PRKD1: variants seen among roughly 807,000 people sequenced by gnomAD.
The protein encoded by PRKD1 is protein kinase D1.
PRKD1 carries 63 observed loss-of-function variants against 95.9 expected under a neutral mutation model. The ratio of observed to expected loss-of-function variants is 0.66; its 90% CI spans 0.54 to 0.81. The LOEUF is 0.81. Ranked by LOEUF, PRKD1 falls within the 30% of genes least tolerant of loss-of-function variation. PRKD1 has a pLI of 0.00. For missense variants in PRKD1, 1,048 were observed against 1,165.3 expected (o/e 0.90, Z 1.47); for synonymous variants, 425 against 423.1 (o/e 1.00, Z -0.05).
At chr14:29,585,682 T>C (rs1459050105) in intron 16 of PRKD1, among the ~76,000 whole-genome samples, 1 of 152,154 alleles carries the variant, frequency 6.6e-6, no homozygotes, top group Admixed American at 6.5e-5. Flanking sequence ...CATCACAACC[T>C]TACAAAATAT....
intron 16 of PRKD1, among the ~76,000 whole-genome samples, chr14:29,586,073 A>T (rs931619506): frequency 2.6e-5 from 4 of 152,216 alleles, no homozygotes; most frequent in African/African-American, 9.7e-5. Flanking sequence ...AGGCAATCCA[A>T]TATTGCTGGA....
chr14:29,913,263 T>C, intron 1 of PRKD1, among the ~76,000 whole-genome samples: 1 of 152,238 alleles, frequency 6.6e-6, no homozygotes, highest in Non-Finnish European at 1.5e-5. Flanking sequence ...TTCTATGAAA[T>C]GTAAGTTTTA....
intron 1 of PRKD1, among the ~76,000 whole-genome samples, chr14:29,766,683 A>G (rs912661449): frequency 6.6e-6 from 1 of 152,188 alleles, no homozygotes; most frequent in African/African-American, 2.4e-5. Context: ...AAATGTGGCT[A>G]CCAAATATGA....
intron 9 of PRKD1, among the ~76,000 whole-genome samples, 199 bp from the exon 10 acceptor site, chr14:29,631,220 T>C (rs1484020855): frequency 1.3e-5 from 2 of 152,204 alleles, no homozygotes; most frequent in Non-Finnish European, 2.9e-5. Flanking sequence ...TATTTCCTTT[T>C]TCTAGAAAAT....
chr14:29,879,633 G>T (rs1893432165), intron 1 of PRKD1, among the ~76,000 whole-genome samples: 1 of 152,164 alleles, frequency 6.6e-6, no homozygotes, highest in Non-Finnish European at 1.5e-5. Context: ...TTTGGAACTG[G>T]GTAAGAGACA....
intron 1 of PRKD1, among the ~76,000 whole-genome samples, chr14:29,834,908 C>T (rs965247177): frequency 1.3e-5 from 2 of 152,098 alleles, no homozygotes; most frequent in African/African-American, 4.8e-5. Context: ...TCAGAGAACT[C>T]CATAGTCAAT....
intron 1 of PRKD1, among the ~76,000 whole-genome samples, chr14:29,731,419 T>C (rs1239362568): frequency 6.6e-6 from 1 of 152,186 alleles, no homozygotes; most frequent in African/African-American, 2.4e-5. Flanking sequence ...TCTGCTGTTG[T>C]TGGGTGGCAA....
intron 1 of PRKD1, among the ~76,000 whole-genome samples, chr14:29,857,388 T>G (rs1892546517): frequency 6.6e-6 from 1 of 152,044 alleles, no homozygotes; most frequent in Non-Finnish European, 1.5e-5. Flanking sequence ...AGTTTTTTCA[T>G]GGAAGGAAGA....
intron 1 of PRKD1, among the ~76,000 whole-genome samples, chr14:29,844,846 T>C (rs1892017979): frequency 6.6e-6 from 1 of 152,182 alleles, no homozygotes; most frequent in Admixed American, 6.5e-5. Context: ...CCAATATGGC[T>C]GTGGAGCTTT....
chr14:29,881,393 G>A (rs972629539), intron 1 of PRKD1, among the ~76,000 whole-genome samples: 1 of 151,926 alleles, frequency 6.6e-6, no homozygotes, highest in Non-Finnish European at 1.5e-5. Context: ...TCCCAGCCTT[G>A]TGGAACTGTA....
At chr14:29,885,499 C>A (rs1224290829) in intron 1 of PRKD1, among the ~76,000 whole-genome samples, 3 of 151,986 alleles carry the variant, frequency 2.0e-5, no homozygotes, top group African/African-American at 7.3e-5. Context: ...AAGTACATGT[C>A]ATATACCACT....
intron 16 of PRKD1, among the ~76,000 whole-genome samples, chr14:29,584,777 G>A (rs918994799): frequency 3.3e-5 from 5 of 152,096 alleles, no homozygotes; most frequent in South Asian, 2.1e-4. Context: ...ATAACAGATC[G>A]TAAGATCAGT....
intron 13 of PRKD1, among the ~76,000 whole-genome samples, chr14:29,611,120 G>A (rs1439919709): frequency 6.6e-6 from 1 of 152,130 alleles, no homozygotes; most frequent in Admixed American, 6.5e-5. Flanking sequence ...AACATCAAGA[G>A]TAAACCATGA....
chr14:29,766,621 T>A (rs1305740945), intron 1 of PRKD1, among the ~76,000 whole-genome samples: 4 of 152,206 alleles, frequency 2.6e-5, no homozygotes, highest in African/African-American at 9.7e-5. Context: ...TTTATGTATG[T>A]ATACTCCAAT....
intron 1 of PRKD1, among the ~76,000 whole-genome samples, chr14:29,847,143 T>C (rs1339404063): frequency 6.6e-6 from 1 of 152,166 alleles, no homozygotes; most frequent in Non-Finnish European, 1.5e-5. Flanking sequence ...GGCATGAATG[T>C]GCCAGGCAAA....
chr14:29,753,058 TATAG>T (rs141403261), intron 1 of PRKD1, among the ~76,000 whole-genome samples: 11,406 of 151,550 alleles, frequency 0.075, 482 homozygotes, highest in East Asian at 0.21. Flanking sequence ...ATTTTCAAAA[TATAG>T]ATAGAAAGGG....
At chr14:29,844,725 G>A (rs182905539) in intron 1 of PRKD1, among the ~76,000 whole-genome samples, 1 of 152,238 alleles carries the variant, frequency 6.6e-6, no homozygotes, top group East Asian at 1.9e-4. Context: ...AATCAATACG[G>A]AAGTTATTTT....
At chr14:29,694,275 A>G (rs898617020) in intron 2 of PRKD1, among the ~76,000 whole-genome samples, 1 of 152,258 alleles carries the variant, frequency 6.6e-6, no homozygotes, top group Non-Finnish European at 1.5e-5. Context: ...CTAGGTAGAC[A>G]TATCACACTG....
intron 2 of PRKD1, among the ~76,000 whole-genome samples, chr14:29,697,192 C>T (rs1884571374): frequency 6.6e-6 from 1 of 151,634 alleles, no homozygotes; most frequent in Non-Finnish European, 1.5e-5. Context: ...CAAACACCAC[C>T]ACCACCAACA....
Sources: gnomAD v4.1 joint callset for allele counts (sites outside exome capture counted in the v4.1 genomes callset) on GRCh38, gnomAD v4.1.1 for gene constraint, MANE v1.5 for transcripts, NCBI Gene and HGNC (gene_info 2026-07-23, HGNC 2026-07-21) for gene names.